Variants in GRIP1 observed in about 807,000 individuals in gnomAD.
GRIP1 encodes glutamate receptor interacting protein 1, also known as glutamate receptor-interacting protein 1.
Under a neutral mutation model 129.9 loss-of-function variants are expected in GRIP1, and 45 were observed. That is an observed-to-expected ratio of 0.35 (90% confidence interval 0.27 to 0.44). The LOEUF is 0.44. GRIP1 is among the 20% of genes least tolerant of loss of function. The pLI is 1.00. For missense variants in GRIP1, 1,196 were observed against 1,396.8 expected (o/e 0.86, Z 2.29); for synonymous variants, 530 against 520.8 (o/e 1.02, Z -0.24).
intron 1 of GRIP1, among the ~76,000 whole-genome samples, chr12:66,791,505 G>T (rs537492534): frequency 1.3e-5 from 2 of 152,236 alleles, no homozygotes; most frequent in East Asian, 3.9e-4. Flanking sequence ...AATGTCAGTA[G>T]CAGGAGTGAA....
chr12:66,392,771 G>A lies in GRIP1; in HGVS notation c.2175C>T (p.Ser725=), dbSNP rs760398043. The change falls in exon 18 of 25, where the codon AGC becomes AGT. Residue 725 remains serine (S), a synonymous_variant. Coordinates refer to ENST00000359742, the MANE Select transcript of GRIP1 (RefSeq NM_001366722.1). ...TCAGAGGCTTCCCTTTCAAGCTGCT[G>A]CTATTGATGGCTAGGATTCGGTCTC... The part of the protein sequence containing the change: ...HIGDRILAIN[S]SSLKGKPLSE... 3 of 1,614,022 alleles carry A rather than the reference G, an allele frequency of 1.9e-6. No homozygotes were observed. In the South Asian group the frequency reaches 3.3e-5, roughly 18 times the overall value.
chr12:66,421,452 G>A (rs141113585), intron 14 of GRIP1, among the ~76,000 whole-genome samples: 9 of 152,236 alleles, frequency 5.9e-5, no homozygotes, highest in African/African-American at 1.7e-4. Context: ...ACTGAGGCAG[G>A]AGAATTGCTT....
intron 1 of GRIP1, among the ~76,000 whole-genome samples, chr12:67,039,258 T>C (rs2043141926): frequency 6.6e-6 from 1 of 152,138 alleles, no homozygotes; most frequent in African/African-American, 2.4e-5. Flanking sequence ...TTAAATACCT[T>C]GCTTATCCTC....
chr12:66,428,970 C>T (rs7312067), intron 14 of GRIP1, among the ~76,000 whole-genome samples: 4,414 of 152,282 alleles, frequency 0.029, 94 homozygotes, highest in Non-Finnish European at 0.043. Context: ...ACTTCCAGTC[C>T]TGAACTGCAT....
intron 2 of GRIP1, among the ~76,000 whole-genome samples, chr12:66,583,414 A>G (rs1384269371): frequency 1.9e-4 from 28 of 145,476 alleles, no homozygotes; most frequent in Non-Finnish European, 2.7e-4. Context: ...AATGGGATCT[A>G]ATTAAACTAA....
At chr12:66,805,520 C>T (rs2038972084), upstream of GRIP1, among the ~76,000 whole-genome samples, 1 of 152,144 alleles carries the variant, frequency 6.6e-6, no homozygotes, top group Non-Finnish European at 1.5e-5. Flanking sequence ...TAATGATATA[C>T]TGCAGCTCCA....
At chr12:66,490,524 C>T (rs1328252480) in intron 7 of GRIP1, among the ~76,000 whole-genome samples, 1 of 152,088 alleles carries the variant, frequency 6.6e-6, no homozygotes, top group African/African-American at 2.4e-5. Flanking sequence ...ACTATAAAAA[C>T]CCTAGGAGAA....
intron 1 of GRIP1, among the ~76,000 whole-genome samples, chr12:66,829,646 T>C (rs1438501689): frequency 6.6e-6 from 1 of 152,118 alleles, no homozygotes. Flanking sequence ...TTTTGTCCAA[T>C]AAGAAAAAAA....
chr12:66,520,914 T>C lies in GRIP1; in HGVS notation c.503-2938A>G, dbSNP rs115173216. Among the ~76,000 whole-genome samples, 270 of 152,332 alleles carry C rather than the reference T, an allele frequency of 1.8e-3. 1 individual carries two copies. The highest frequency in any genetic ancestry group is 6.3e-3 in the African/African-American group (262 of 41,574). On this transcript the variant is annotated intron_variant, in intron 5 of 24. Coordinates refer to ENST00000359742, the MANE Select transcript of GRIP1 (RefSeq NM_001366722.1). ...AAGAACCTTCTCGTTCAGATCTGTATTGCAAAACAGATTTGTATATATCAC... is the reference window on the plus strand; with the variant it reads ...AAGAACCTTCTCGTTCAGATCTGTACTGCAAAACAGATTTGTATATATCAC...
intron 1 of GRIP1, among the ~76,000 whole-genome samples, chr12:66,654,553 T>C (rs765251047): frequency 1.3e-5 from 2 of 152,178 alleles, no homozygotes; most frequent in Non-Finnish European, 2.9e-5. Context: ...ATGTGCTTTA[T>C]AAATTGACAT....
At chr12:66,557,148 T>C (rs887687866) in intron 2 of GRIP1, among the ~76,000 whole-genome samples, 11 of 151,964 alleles carry the variant, frequency 7.2e-5, no homozygotes, top group African/African-American at 2.7e-4. Flanking sequence ...CCTATGCCAA[T>C]GGAAACCACA....
intron 1 of GRIP1, among the ~76,000 whole-genome samples, chr12:66,823,243 A>C (rs1171203627): frequency 6.6e-6 from 1 of 152,182 alleles, no homozygotes; most frequent in Non-Finnish European, 1.5e-5. Context: ...AATATCTTGA[A>C]TATCAAAATT....
chr12:66,735,880 G>A (rs1218322723), intron 1 of GRIP1, among the ~76,000 whole-genome samples: 3 of 152,086 alleles, frequency 2.0e-5, no homozygotes, highest in Non-Finnish European at 2.9e-5. Context: ...GCATTAAACT[G>A]TATTTACAGG....
chr12:67,030,280 A>G (rs2043003722), intron 1 of GRIP1, among the ~76,000 whole-genome samples: 1 of 151,722 alleles, frequency 6.6e-6, no homozygotes, highest in Non-Finnish European at 1.5e-5. Flanking sequence ...TACTATAAAC[A>G]TTCCCTAAGA....
intron 10 of GRIP1, 124 bp from the exon 11 acceptor site, chr12:66,455,688 A>T: frequency 1.2e-6 from 1 of 830,492 alleles, no homozygotes; most frequent in Non-Finnish European, 2.0e-6. Flanking sequence ...GAAGGACCCC[A>T]GCCAGCTAGA....
At chr12:66,469,575 T>G (rs2059380249) in intron 7 of GRIP1, among the ~76,000 whole-genome samples, 1 of 152,140 alleles carries the variant, frequency 6.6e-6, no homozygotes, top group Non-Finnish European at 1.5e-5. Flanking sequence ...TTAAGAAGTT[T>G]CCAGGGCACA....
chr12:66,813,115 G>A (rs113119825), intron 1 of GRIP1, among the ~76,000 whole-genome samples: 1,766 of 152,136 alleles, frequency 0.012, 36 homozygotes, highest in African/African-American at 0.04. Context: ...TTTGGTTCAC[G>A]GTTCCCTAGG....
intron 23 of GRIP1, among the ~76,000 whole-genome samples, chr12:66,369,583 G>A (rs17102420): frequency 0.013 from 1,911 of 152,178 alleles, 50 homozygotes; most frequent in African/African-American, 0.043. Flanking sequence ...GTATAAGTGA[G>A]GGCTGAGAAT....
At chr12:66,432,685 T>A in intron 13 of GRIP1, 57 bp from the exon 14 acceptor site, 2 of 925,362 alleles carry the variant, frequency 2.2e-6, no homozygotes, top group East Asian at 2.4e-5. Flanking sequence ...GGAGCACCCA[T>A]CAATAAAAAT....
Sources: gnomAD v4.1 joint callset for allele counts (sites outside exome capture counted in the v4.1 genomes callset) on GRCh38, gnomAD v4.1.1 for gene constraint, MANE v1.5 for transcripts, NCBI Gene and HGNC (gene_info 2026-07-23, HGNC 2026-07-21) for gene names.